DNAI2: variants seen among roughly 807,000 people sequenced by gnomAD.
DNAI2 encodes the protein dynein, axonemal, intermediate polypeptide 2.
A neutral mutation model predicts 74.7 loss-of-function variants in DNAI2; 63 were observed. The observed-to-expected ratio is 0.84, with a 90% CI of 0.69 to 1.04. The LOEUF is 1.04. DNAI2 is among the 50% of genes least tolerant of loss of function. The pLI is 0.00. For synonymous variants in DNAI2, 289 were observed against 314.9 expected, an observed-to-expected ratio of 0.92 and a Z score of 0.87; for missense variants, 688 against 803.2, an observed-to-expected ratio of 0.86 and a Z score of 1.73.
chr17:74,287,289 T>A (rs2051810782), intron 4 of DNAI2, among the ~76,000 whole-genome samples, 191 bp downstream of exon 4: 1 of 152,016 alleles, frequency 6.6e-6, no homozygotes, highest in South Asian at 2.1e-4. Context: ...GTCTGGTTGA[T>A]GGAAAGGGAG....
At chr17:74,294,760 T>C (rs1467454119) in intron 6 of DNAI2, among the ~76,000 whole-genome samples, 3 of 152,210 alleles carry the variant, frequency 2.0e-5, no homozygotes, top group African/African-American at 7.2e-5. Context: ...ATTCATTGAG[T>C]TTCTTGGATG....
chr17:74,288,104 T>G (rs1047339977), intron 4 of DNAI2, among the ~76,000 whole-genome samples: 1 of 152,176 alleles, frequency 6.6e-6, no homozygotes, highest in Non-Finnish European at 1.5e-5. Flanking sequence ...CTTAAACCAT[T>G]TTTTGTCTTT....
intron 1 of DNAI2, among the ~76,000 whole-genome samples, chr17:74,280,435 C>T (rs1006141311): frequency 4.6e-5 from 7 of 152,212 alleles, no homozygotes; most frequent in African/African-American, 1.7e-4. Context: ...TGCTGTGTCC[C>T]ATGACCAGTA....
intron 3 of DNAI2, among the ~76,000 whole-genome samples, chr17:74,286,651 C>G (rs1241890861): frequency 6.6e-6 from 1 of 152,188 alleles, no homozygotes; most frequent in African/African-American, 2.4e-5. Flanking sequence ...TCTCAAACTC[C>G]TGACCTCAAG....
intron 2 of DNAI2, among the ~76,000 whole-genome samples, chr17:74,282,936 C>G (rs1206790669): frequency 3.3e-5 from 5 of 152,238 alleles, no homozygotes; most frequent in Non-Finnish European, 5.9e-5. Context: ...CAACTGCTCC[C>G]CCGGGGATGA....
intron 1 of DNAI2, among the ~76,000 whole-genome samples, chr17:74,278,631 G>A (rs1286178727): frequency 6.6e-6 from 1 of 152,028 alleles, no homozygotes; most frequent in Non-Finnish European, 1.5e-5. Context: ...AACATTGTTG[G>A]CCGGGCATGG....
At chr17:74,287,334 C>T (rs186041427) in intron 4 of DNAI2, among the ~76,000 whole-genome samples, 78 of 152,292 alleles carry the variant, frequency 5.1e-4, no homozygotes, top group East Asian at 3.7e-3. Context: ...TGCCCAGCTG[C>T]GTACAGGTGG....
At position 74,310,426 on chromosome 17, in the gene DNAI2, C is replaced by T. The variant is rs2053455727; in HGVS notation, c.1494+263C>T. Among the ~76,000 whole-genome samples, 3 of 151,052 alleles carry T rather than the reference C, an allele frequency of 2.0e-5. No homozygotes were observed. In the Middle Eastern group the frequency reaches 0.01, roughly 521 times the overall value. The stretch of plus-strand genomic sequence containing the variant: ...TTTTTACCTGTAAATCAAAGAGGTT[C>T]GACTTGGTCAGTTTGTCTAGTTTCA... On this transcript the variant is annotated intron_variant, in intron 11 of 13. Transcript: ENST00000311014.
In DNAI2 at chr17:74,291,071, C is replaced by T. The variant is rs897971951; in HGVS notation, c.662C>T (p.Thr221Met). 13 of 1,614,208 alleles carry T rather than the reference C, an allele frequency of 8.1e-6. No homozygotes were observed. Among genetic ancestry groups the T allele is most frequent in the Non-Finnish European group, 1.0e-5 (12 of 1,180,034 alleles). ...CTGAAGCCATCGTCTCCACTCGTGA[C>T]GTTGGAGTTCAACCCCAAAGATTCC... ...LALKPSSPLV[T>M]LEFNPKDSHV... is the part of the protein sequence containing the mutation. Residue 221 changes from threonine (T) to methionine (M), a missense_variant, in exon 6 of 14, where the codon ACG becomes ATG. By Grantham distance (81) the Thr-to-Met change is moderately conservative. Coordinates refer to ENST00000311014, the MANE Select transcript of DNAI2 (RefSeq NM_023036.6).
chr17:74,289,639 C>T lies in DNAI2; in HGVS notation c.513C>T (p.His171=), dbSNP rs1462143382. 1.2e-6 allele frequency: 2 copies of T among 1,614,024 alleles called. No homozygotes were observed. Among genetic ancestry groups the T allele is most frequent in the Admixed American group, 1.7e-5 (1 of 59,988 alleles). Residue 171 remains histidine, a synonymous_variant, in exon 5 of 14, where the codon CAC becomes CAT. Transcript: ENST00000311014. The stretch of plus-strand genomic sequence containing the variant: ...GGGCTGCCACACACCTCTCCTGGCA[C>T]CCCGATGGCAACAGGAAGTTGGCAG... The part of the protein sequence containing the change: ...IKRAATHLSW[H]PDGNRKLAVA...
intron 9 of DNAI2, among the ~76,000 whole-genome samples, chr17:74,308,937 C>A (rs897294845): frequency 1.3e-5 from 2 of 151,786 alleles, no homozygotes; most frequent in Admixed American, 6.6e-5. Context: ...GTGACGGGCG[C>A]CAGTAATCCC....
At chr17:74,283,361 A>T (rs1240695239) in intron 2 of DNAI2, among the ~76,000 whole-genome samples, 1 of 152,226 alleles carries the variant, frequency 6.6e-6, no homozygotes, top group Non-Finnish European at 1.5e-5. Context: ...TAATCCCAGT[A>T]CTTTGGGAGA....
In DNAI2 at chr17:74,300,440, T is replaced by C. The variant is rs2052697438; in HGVS notation, c.864+583T>C. Among the ~76,000 whole-genome samples the C allele has an allele frequency of 6.6e-6, 1 of 152,166 alleles. No individual in the cohort carries two copies. Among genetic ancestry groups the C allele is most frequent in the African/African-American group, 2.4e-5 (1 of 41,450 alleles). ...CCTCTCTCTTCTTTACTCTTTCTTT[T>C]TGCACACTTCACACACTATTCTGTA... is the stretch of plus-strand genomic sequence containing the variant. On this transcript the variant is annotated intron_variant, in intron 7 of 13. Coordinates refer to ENST00000311014, the MANE Select transcript of DNAI2 (RefSeq NM_023036.6). The surrounding 1 kb of genome is among the most constrained non-coding windows in gnomAD (Gnocchi z 4.5).
chr17:74,302,765 C>G lies in DNAI2; in HGVS notation c.987+1597C>G, dbSNP rs574388553. On this transcript the variant is annotated intron_variant, in intron 8 of 13. Transcript: ENST00000311014. ...TAGTGCAGCCCAGGCCTGGTTCCCC[C>G]TTGGGGGTGTCACTTGTTTGCTTCG... is the stretch of plus-strand genomic sequence containing the variant. Among the ~76,000 whole-genome samples the G allele has an allele frequency of 2.9e-3, 437 of 152,298 alleles. 2 individuals carry two copies. Among genetic ancestry groups the G allele is most frequent in the African/African-American group, 1.0e-2 (415 of 41,572 alleles).
Position 74,305,278 on chromosome 17 carries a change from C to T in DNAI2, c.1047C>T (p.Ala349=), listed in dbSNP as rs1322045317. The change falls in exon 9 of 14, where the codon GCC becomes GCT. Residue 349 remains alanine (A), a synonymous_variant. Coordinates refer to ENST00000311014, the MANE Select transcript of DNAI2 (RefSeq NM_023036.6). The stretch of plus-strand genomic sequence containing the variant: ...TCGTCATCTCCTGCAACCGCAAGGC[C>T]AAGACGTCAGCTGAAAAGATTGTGT... The part of the protein sequence containing the change: ...QGIVISCNRK[A]KTSAEKIVCT... The T allele has an allele frequency of 3.1e-6, 5 of 1,614,100 alleles. No individual in the cohort carries two copies. The highest frequency in any genetic ancestry group is 4.2e-6 in the Non-Finnish European group (5 of 1,180,050).
chr17:74,277,204 T>G (rs1030406414), intron 1 of DNAI2, among the ~76,000 whole-genome samples: 2 of 152,008 alleles, frequency 1.3e-5, no homozygotes, highest in Admixed American at 1.3e-4. Context: ...CTGGCCAACA[T>G]GCTGAAACCC....
intron 6 of DNAI2, among the ~76,000 whole-genome samples, chr17:74,295,900 C>A (rs1043617412): frequency 2.0e-5 from 3 of 152,184 alleles, no homozygotes; most frequent in African/African-American, 7.2e-5. Context: ...ACCAAAAAAT[C>A]TCCCCTTCTC....
chr17:74,288,274 A>G (rs2051871530), intron 4 of DNAI2, among the ~76,000 whole-genome samples: 2 of 152,182 alleles, frequency 1.3e-5, no homozygotes, highest in South Asian at 2.1e-4. Flanking sequence ...TTGCCCAACT[A>G]TAGGCTAATA....
intron 2 of DNAI2, among the ~76,000 whole-genome samples, chr17:74,282,639 C>G (rs939738881): frequency 6.6e-6 from 1 of 152,148 alleles, no homozygotes; most frequent in South Asian, 2.1e-4. Flanking sequence ...TTCATATCTA[C>G]AGGCAACTAC....
Sources: gnomAD v4.1 joint callset for allele counts (sites outside exome capture counted in the v4.1 genomes callset) on GRCh38, gnomAD v4.1.1 for gene constraint, Gnocchi (gnomAD v3.1) non-coding constraint, MANE v1.5 for transcripts, NCBI Gene and HGNC (gene_info 2026-07-23, HGNC 2026-07-21) for gene names.